Variants in LSAMP observed in about 807,000 individuals in gnomAD.
The protein encoded by LSAMP is limbic system-associated membrane protein.
LSAMP carries 7 observed loss-of-function variants against 38.6 expected under a neutral mutation model. The ratio of observed to expected loss-of-function variants is 0.18; its 90% CI spans 0.10 to 0.34. LSAMP has a LOEUF of 0.34. Among genes scored for constraint, LSAMP ranks in the 10% least tolerant of loss-of-function variants. The pLI, the probability that LSAMP is intolerant of heterozygous loss-of-function variation, is 1.00. For missense variants in LSAMP, 313 were observed against 420.0 expected, an observed-to-expected ratio of 0.75 and a Z score of 2.23; for synonymous variants, 154 against 166.8, an observed-to-expected ratio of 0.92 and a Z score of 0.59.
chr3:116,064,379 G>A (rs1194325348), intron 2 of LSAMP, among the ~76,000 whole-genome samples: 1 of 151,886 alleles, frequency 6.6e-6, no homozygotes, highest in Non-Finnish European at 1.5e-5. Flanking sequence ...TACAAGCATA[G>A]TGGTGGATGC....
intron 1 of LSAMP, among the ~76,000 whole-genome samples, chr3:116,231,357 T>C (rs2046400920): frequency 6.6e-6 from 1 of 152,188 alleles, no homozygotes; most frequent in African/African-American, 2.4e-5. Flanking sequence ...GAGAGCCAGG[T>C]TCTTCATCTT....
intron 1 of LSAMP, among the ~76,000 whole-genome samples, chr3:116,252,144 G>A (rs7426468): frequency 0.19 from 29,627 of 152,094 alleles, 3,095 homozygotes; most frequent in Admixed American, 0.23. Flanking sequence ...GAGACCAAGG[G>A]GTCCCTGTAT....
At chr3:115,995,281 G>A (rs1055449275) in intron 3 of LSAMP, among the ~76,000 whole-genome samples, 1 of 152,126 alleles carries the variant, frequency 6.6e-6, no homozygotes, top group East Asian at 1.9e-4. Context: ...CCAGAGCTTT[G>A]TTATCTTCAC....
At chr3:116,233,487 A>G (rs2046428540) in intron 1 of LSAMP, among the ~76,000 whole-genome samples, 1 of 151,698 alleles carries the variant, frequency 6.6e-6, no homozygotes, top group Non-Finnish European at 1.5e-5. Context: ...GGGACATTCA[A>G]TTCCACTCTT....
chr3:116,276,767 TAA>T (rs1288968335), intron 1 of LSAMP, among the ~76,000 whole-genome samples: 2 of 149,202 alleles, frequency 1.3e-5, no homozygotes, highest in Non-Finnish European at 3.0e-5. Context: ...CCATAAAAAA[TAA>T]AGTGTGAGCC....
chr3:115,922,156 CT>C (rs1937396525), intron 3 of LSAMP, among the ~76,000 whole-genome samples: 1 of 151,576 alleles, frequency 6.6e-6, no homozygotes, highest in Non-Finnish European at 1.5e-5. Flanking sequence ...TTCATTATTT[CT>C]TTTAACAAGC....
intron 1 of LSAMP, among the ~76,000 whole-genome samples, chr3:116,268,382 C>T (rs1391305140): frequency 6.6e-6 from 1 of 151,938 alleles, no homozygotes; most frequent in Non-Finnish European, 1.5e-5. Flanking sequence ...AAATCCATAC[C>T]CTATCCTTCA....
chr3:116,207,387 G>C (rs1576432341), intron 1 of LSAMP, among the ~76,000 whole-genome samples: 1 of 151,848 alleles, frequency 6.6e-6, no homozygotes, highest in East Asian at 1.9e-4. Context: ...TTTAATTGGA[G>C]CATTTAGTCC....
At chr3:116,318,903 ACT>A (rs1157802142) in intron 1 of LSAMP, among the ~76,000 whole-genome samples, 2 of 152,140 alleles carry the variant, frequency 1.3e-5, no homozygotes, top group East Asian at 1.9e-4. Context: ...TCAGGCTGAC[ACT>A]CTTTCCACAA....
chr3:115,852,127 A>G (rs375731678), intron 4 of LSAMP, among the ~76,000 whole-genome samples: 210 of 152,332 alleles, frequency 1.4e-3, no homozygotes, highest in African/African-American at 4.9e-3. Context: ...TGGACATTCC[A>G]GTTAAACCAG....
intron 1 of LSAMP, among the ~76,000 whole-genome samples, chr3:116,272,210 C>T (rs947138531): frequency 7.2e-5 from 11 of 151,906 alleles, no homozygotes; most frequent in Non-Finnish European, 1.3e-4. Flanking sequence ...ACACTTCTGC[C>T]CAGTGATGCA....
intron 1 of LSAMP, among the ~76,000 whole-genome samples, chr3:116,336,628 A>G (rs964894803): frequency 6.6e-6 from 1 of 152,042 alleles, no homozygotes; most frequent in South Asian, 2.1e-4. Flanking sequence ...CTACTGTCAA[A>G]ATAAGAGAAA....
At chr3:115,859,474 T>A (rs1935610860) in intron 3 of LSAMP, among the ~76,000 whole-genome samples, 1 of 152,160 alleles carries the variant, frequency 6.6e-6, no homozygotes, top group South Asian at 2.1e-4. Flanking sequence ...ATATGACTGT[T>A]TAGACATTTG....
chr3:116,378,430 C>G (rs1258919795), intron 1 of LSAMP, among the ~76,000 whole-genome samples: 2 of 152,032 alleles, frequency 1.3e-5, no homozygotes, highest in Non-Finnish European at 2.9e-5. Context: ...GTATGAAGAG[C>G]AATGAGTAAA....
chr3:116,003,682 G>T (rs540584311), intron 3 of LSAMP, among the ~76,000 whole-genome samples: 8 of 152,276 alleles, frequency 5.3e-5, no homozygotes, highest in Admixed American at 4.6e-4. Context: ...GTTAATAAGA[G>T]AAAGGGAAGG....
At position 116,385,090 on chromosome 3, in the gene LSAMP, T is replaced by C. The variant is rs548930517; in HGVS notation, c.155+59787A>G. On this transcript the variant is annotated intron_variant, in intron 1 of 6. Coordinates refer to ENST00000490035, the MANE Select transcript of LSAMP (RefSeq NM_002338.5). ...AGCTCCTTTTATTTCCATAGGAAAC[T>C]CAAGAAGGAATGAAAAAAAAAAACA... is the stretch of plus-strand genomic sequence containing the variant. 4.8e-5 allele frequency among the ~76,000 whole-genome samples: 7 copies of C among 144,762 alleles called. No individual in the cohort carries two copies. In the South Asian group the frequency reaches 1.5e-3, roughly 32 times the overall value. 95.0% of individuals were successfully genotyped at this position (144,762 alleles called of 152,430 possible). A position where few individuals can be genotyped will look rare whatever the true frequency, so the allele number is the denominator to read the frequency against.
chr3:116,134,488 A>G (rs557629537), intron 1 of LSAMP, among the ~76,000 whole-genome samples: 1 of 152,316 alleles, frequency 6.6e-6, no homozygotes, highest in South Asian at 2.1e-4. Context: ...TCCTTACATG[A>G]CCTTGCCTTT....
chr3:115,907,586 C>T (rs1399447115), intron 3 of LSAMP, among the ~76,000 whole-genome samples: 1 of 152,116 alleles, frequency 6.6e-6, no homozygotes, highest in East Asian at 1.9e-4. Flanking sequence ...AGATATTCAT[C>T]TCCTGACTTT....
intron 1 of LSAMP, among the ~76,000 whole-genome samples, chr3:116,128,406 A>C (rs1365002144): frequency 6.6e-6 from 1 of 152,154 alleles, no homozygotes; most frequent in Non-Finnish European, 1.5e-5. Context: ...TGATGTTCTT[A>C]GAAGTTGGTA....
Sources: allele counts gnomAD v4.1 joint callset (sites outside exome capture counted in the v4.1 genomes callset), GRCh38; gene constraint gnomAD v4.1.1; transcripts MANE v1.5; gene names NCBI Gene and HGNC (gene_info 2026-07-23, HGNC 2026-07-21).